BAIAP2: variants seen among roughly 807,000 people sequenced by gnomAD.
BAIAP2 encodes BAR/IMD domain-containing adapter protein 2.
A neutral mutation model predicts 63.0 loss-of-function variants in BAIAP2; 18 were observed. The ratio of observed to expected loss-of-function variants is 0.29; its 90% CI spans 0.20 to 0.42. The LOEUF (loss-of-function observed/expected upper bound fraction) is 0.42. Among genes scored for constraint, BAIAP2 ranks in the 10% least tolerant of loss-of-function variants. The pLI, the probability that BAIAP2 is intolerant of heterozygous loss-of-function variation, is 1.00. For missense variants in BAIAP2, 610 were observed against 734.3 expected (o/e 0.83, Z 1.96); for synonymous variants, 386 against 307.6 (o/e 1.25, Z -2.67).
At chr17:81,088,863 C>T (rs977348490) in intron 6 of BAIAP2, among the ~76,000 whole-genome samples, 4 of 152,180 alleles carry the variant, frequency 2.6e-5, no homozygotes, top group Non-Finnish European at 4.4e-5. Context: ...AGCATAGGGC[C>T]GGACAAAGGC....
At chr17:81,101,797 C>T (rs958234144) in intron 7 of BAIAP2, among the ~76,000 whole-genome samples, 5 of 152,238 alleles carry the variant, frequency 3.3e-5, no homozygotes, top group African/African-American at 1.2e-4. Context: ...GCAGCAGCAC[C>T]TTTGACCCCT....
chr17:81,091,986 T>C (rs933760129), intron 6 of BAIAP2, among the ~76,000 whole-genome samples: 2 of 152,200 alleles, frequency 1.3e-5, no homozygotes, highest in Non-Finnish European at 2.9e-5. Flanking sequence ...GGCGCCCCCA[T>C]CTACAGGGCC....
chr17:81,060,880 TG>T (rs1454399302), intron 3 of BAIAP2, among the ~76,000 whole-genome samples: 6 of 152,014 alleles, frequency 3.9e-5, no homozygotes, highest in Non-Finnish European at 8.8e-5. Flanking sequence ...CCTAGCACGT[TG>T]GGAGGCTGAG....
At chr17:81,090,841 C>T (rs548835242) in intron 6 of BAIAP2, among the ~76,000 whole-genome samples, 1 of 152,158 alleles carries the variant, frequency 6.6e-6, no homozygotes, top group Admixed American at 6.5e-5. Context: ...TTGCCCCACC[C>T]AGGGCTGTTC....
chr17:81,036,273 C>T (rs368122714), intron 1 of BAIAP2, among the ~76,000 whole-genome samples: 5 of 152,322 alleles, frequency 3.3e-5, no homozygotes, highest in South Asian at 4.1e-4. Flanking sequence ...GGGTCCTGGG[C>T]GATCTCTTAC....
intron 3 of BAIAP2, among the ~76,000 whole-genome samples, chr17:81,061,322 C>T (rs1366239010): frequency 1.3e-5 from 2 of 152,176 alleles, no homozygotes; most frequent in East Asian, 1.9e-4. Context: ...ACAACTTCAT[C>T]GAGGTGTCTG....
At chr17:81,068,424 C>T (rs573997638) in intron 3 of BAIAP2, among the ~76,000 whole-genome samples, 16 of 152,332 alleles carry the variant, frequency 1.1e-4, no homozygotes, top group East Asian at 3.9e-4. Flanking sequence ...GGTCTGTCCC[C>T]GGAGGCCAGG....
At chr17:81,078,249 T>C (rs2054015367) in intron 3 of BAIAP2, among the ~76,000 whole-genome samples, 1 of 121,164 alleles carries the variant, frequency 8.3e-6, no homozygotes, top group African/African-American at 3.2e-5. Context: ...ACGGGTGCCG[T>C]ATTGGGTGGG....
In BAIAP2 at chr17:81,116,092, C is replaced by T. The variant is rs961134157; in HGVS notation, c.*253C>T. On this transcript the variant is annotated 3_prime_UTR_variant, in exon 14 of 14. Coordinates refer to ENST00000428708, the MANE Select transcript of BAIAP2 (RefSeq NM_001144888.2). Reference sequence around the variant, plus strand: ...GCTGAGGGGCCGCCTCTTGAGGGTACACGCCTCTGGTCACATGGCCATGGA... The same window carrying T: ...GCTGAGGGGCCGCCTCTTGAGGGTATACGCCTCTGGTCACATGGCCATGGA... 5.9e-6 allele frequency: 9 copies of T among 1,520,506 alleles called. No homozygotes were observed. The highest frequency in any genetic ancestry group is 1.3e-5 in the South Asian group (1 of 79,962). 94.2% of individuals were successfully genotyped at this position (1,520,506 alleles called of 1,614,324 possible). A position where few individuals can be genotyped will look rare whatever the true frequency, so the allele number is the denominator to read the frequency against.
chr17:81,094,514 A>G (rs2145628078), intron 6 of BAIAP2, among the ~76,000 whole-genome samples: 1 of 152,194 alleles, frequency 6.6e-6, no homozygotes, highest in East Asian at 1.9e-4. Flanking sequence ...GGGGAGCGGA[A>G]TGACCAGCTC....
intron 13 of BAIAP2, 153 bp downstream of exon 13, chr17:81,108,662 G>A: frequency 9.6e-7 from 1 of 1,036,506 alleles, no homozygotes; most frequent in East Asian, 2.6e-5. Flanking sequence ...TGTCCCTTAG[G>A]GCGTCCTGCT....
intron 11 of BAIAP2, 37 bp downstream of exon 11, chr17:81,106,183 G>A (rs1441989934): frequency 6.5e-7 from 1 of 1,548,754 alleles, no homozygotes; most frequent in Non-Finnish European, 8.7e-7. Flanking sequence ...AAGATCCCCA[G>A]CTCGGGAGAG....
rs2046034979 is a variant in BAIAP2, at chr17:81,035,190, A to ACCGCCGCTGCTG, written c.-56_-45dup. On this transcript the variant is annotated 5_prime_UTR_variant, in exon 1 of 14. Coordinates refer to ENST00000428708, the MANE Select transcript of BAIAP2 (RefSeq NM_001144888.2). Reference sequence around the variant, plus strand: ...CTTTCGTCTCCGTCCTGCTGCCGTTACCGCCGCTGCTGCCGCCGCTTGCGT... The same window carrying ACCGCCGCTGCTG: ...CTTTCGTCTCCGTCCTGCTGCCGTTACCGCCGCTGCTGCCGCCGCTGCTGCCGCCGCTTGCGT... The ACCGCCGCTGCTG allele has an allele frequency of 3.0e-6, 4 of 1,343,538 alleles. No homozygotes were observed. The highest frequency in any genetic ancestry group is 1.5e-5 in the South Asian group (1 of 67,616). 83.2% of individuals were successfully genotyped at this position (1,343,538 alleles called of 1,614,324 possible).
intron 1 of BAIAP2, among the ~76,000 whole-genome samples, chr17:81,045,909 G>A (rs1391238698): frequency 2.0e-5 from 3 of 152,174 alleles, no homozygotes; most frequent in African/African-American, 7.2e-5. Context: ...CCCCTCTGTT[G>A]TGGAACAGGC....
chr17:81,098,944 C>G (rs2145766117), intron 6 of BAIAP2, among the ~76,000 whole-genome samples: 1 of 151,998 alleles, frequency 6.6e-6, no homozygotes, highest in South Asian at 2.1e-4. Context: ...CCGCGTTTGT[C>G]TGGGACACAT....
chr17:81,037,076 G>T, intron 1 of BAIAP2: 1 of 879,488 alleles, frequency 1.1e-6, no homozygotes, highest in African/African-American at 1.7e-5. Flanking sequence ...TTATCTGCAG[G>T]TCTAAGTGAA....
At chr17:81,075,845 G>A (rs2053576402) in intron 3 of BAIAP2, among the ~76,000 whole-genome samples, 1 of 152,190 alleles carries the variant, frequency 6.6e-6, no homozygotes, top group South Asian at 2.1e-4. Flanking sequence ...CCAGCCACAG[G>A]CTCCATATGA....
intron 12 of BAIAP2, chr17:81,108,155 G>A (rs553031803): frequency 2.2e-5 from 10 of 447,900 alleles, no homozygotes; most frequent in East Asian, 3.9e-5. Context: ...CGGGGGCCTC[G>A]GCTCCCTGGG....
chr17:81,063,942 G>A (rs1263428490), intron 3 of BAIAP2: 1 of 115,660 alleles, frequency 8.6e-6, no homozygotes, highest in Non-Finnish European at 1.9e-5. Context: ...CTGTGCTGGG[G>A]TGGAGGTGCT....
Sources: allele counts gnomAD v4.1 joint callset (sites outside exome capture counted in the v4.1 genomes callset), GRCh38; gene constraint gnomAD v4.1.1; transcripts MANE v1.5; gene names NCBI Gene and HGNC (gene_info 2026-07-23, HGNC 2026-07-21).